SNX24: variants seen among roughly 807,000 people sequenced by gnomAD.
The protein encoded by SNX24 is sorting nexin-24.
SNX24 carries 22 observed loss-of-function variants against 28.7 expected under a neutral mutation model. The ratio of observed to expected loss-of-function variants is 0.77; its 90% CI spans 0.55 to 1.10. The LOEUF is 1.10. Among genes scored for constraint, SNX24 ranks in the 50% least tolerant of loss-of-function variants. The pLI is 0.00. For synonymous variants in SNX24, 69 were observed against 71.5 expected (o/e 0.96, Z 0.18); for missense variants, 221 against 201.1 (o/e 1.10, Z -0.60).
chr5:122,929,693 C>T (rs1379607140), intron 1 of SNX24, among the ~76,000 whole-genome samples: 1 of 151,970 alleles, frequency 6.6e-6, no homozygotes, highest in Non-Finnish European at 1.5e-5. Flanking sequence ...ATCACTAAAA[C>T]CTTATAAATT....
At chr5:122,905,188 A>G (rs1757598359) in intron 1 of SNX24, among the ~76,000 whole-genome samples, 1 of 152,148 alleles carries the variant, frequency 6.6e-6, no homozygotes, top group Admixed American at 6.5e-5. Context: ...GAGGGTAGGT[A>G]AGGATCCTGA....
chr5:123,013,436 G>A (rs1454883333), downstream of SNX24, among the ~76,000 whole-genome samples: 1 of 152,216 alleles, frequency 6.6e-6, no homozygotes, highest in Non-Finnish European at 1.5e-5. Flanking sequence ...GATAATTACA[G>A]ATTTTGAATT....
chr5:122,886,136 A>C (rs1216712126), intron 1 of SNX24, among the ~76,000 whole-genome samples: 1 of 152,308 alleles, frequency 6.6e-6, no homozygotes, highest in East Asian at 1.9e-4. Context: ...GGGGGAGTGC[A>C]AGGAGATGCT....
chr5:122,872,946 A>AT (rs1756049146), intron 1 of SNX24, among the ~76,000 whole-genome samples: 1 of 151,772 alleles, frequency 6.6e-6, no homozygotes, highest in Non-Finnish European at 1.5e-5. Flanking sequence ...AATGAACATC[A>AT]TTTTAACCCA....
intron 5 of SNX24, 128 bp downstream of exon 5, chr5:123,001,565 A>G: frequency 1.4e-6 from 1 of 716,532 alleles, no homozygotes; most frequent in Non-Finnish European, 2.4e-6. Context: ...AAGATTATAA[A>G]TATTTGATAG....
chr5:122,981,664 T>C (rs1041290936), intron 3 of SNX24, among the ~76,000 whole-genome samples: 1 of 142,718 alleles, frequency 7.0e-6, no homozygotes, highest in African/African-American at 2.4e-5. Context: ...CATGTTTTGT[T>C]TTGTTTTTGT....
At chr5:123,020,110 A>G (rs1048459486) in intron 5 of SNX24, among the ~76,000 whole-genome samples, 3 of 152,262 alleles carry the variant, frequency 2.0e-5, no homozygotes, top group East Asian at 1.9e-4. Flanking sequence ...CGTAAAGCGC[A>G]TGTCCTTCTG....
chr5:122,938,072 A>C (rs185009), intron 2 of SNX24, among the ~76,000 whole-genome samples: 2 of 151,836 alleles, frequency 1.3e-5, no homozygotes, highest in African/African-American at 4.8e-5. Context: ...TCCCAAGTCA[A>C]CACCTAGGAC....
chr5:122,894,296 G>A (rs780196401), intron 1 of SNX24, among the ~76,000 whole-genome samples: 1 of 151,872 alleles, frequency 6.6e-6, no homozygotes, highest in Non-Finnish European at 1.5e-5. Flanking sequence ...TTTCTCTTTT[G>A]TGCATGCACA....
At chr5:122,887,628 T>A (rs1218540206) in intron 1 of SNX24, among the ~76,000 whole-genome samples, 2 of 152,228 alleles carry the variant, frequency 1.3e-5, no homozygotes, top group Non-Finnish European at 2.9e-5. Flanking sequence ...ATAAGATTCC[T>A]CTTCCACTTC....
At chr5:122,966,327 G>C (rs1760712676) in intron 3 of SNX24, among the ~76,000 whole-genome samples, 1 of 152,152 alleles carries the variant, frequency 6.6e-6, no homozygotes, top group Non-Finnish European at 1.5e-5. Context: ...GTGTAGGTTT[G>C]ATACATAGGT....
intron 1 of SNX24, among the ~76,000 whole-genome samples, chr5:122,861,229 A>G (rs899493682): frequency 1.3e-5 from 2 of 152,106 alleles, no homozygotes; most frequent in Non-Finnish European, 2.9e-5. Context: ...AATCCCAGCT[A>G]CTTGGGAGGC....
chr5:122,849,602 G>C (rs573357742), intron 1 of SNX24, among the ~76,000 whole-genome samples: 49 of 152,260 alleles, frequency 3.2e-4, no homozygotes, highest in Middle Eastern at 3.4e-3. Context: ...CAAAAAAGGG[G>C]GGGGGAGGGG....
At chr5:122,848,583 C>T (rs1344167414) in intron 1 of SNX24, among the ~76,000 whole-genome samples, 2 of 150,304 alleles carry the variant, frequency 1.3e-5, no homozygotes, top group Admixed American at 6.6e-5. Context: ...GTGGCGGGCG[C>T]GGGTAATCCC....
At position 122,936,596 on chromosome 5, in the gene SNX24, G is replaced by T. The variant is rs1007252070; in HGVS notation, c.61-138G>T. On this transcript the variant is annotated intron_variant, in intron 1 of 6. Transcript: ENST00000261369. ...CATTAATCAGTGCTGTTGGGCCAGGGTGTCCTGAGCCTTCTGGGTTTTGGG... is the reference window on the plus strand; with the variant it reads ...CATTAATCAGTGCTGTTGGGCCAGGTTGTCCTGAGCCTTCTGGGTTTTGGG... The T allele has an allele frequency of 2.3e-5, 11 of 477,784 alleles. No individual in the cohort carries two copies. The Admixed American group carries it at 4.2e-4, about 18-fold the overall frequency. The allele number at this position is 477,784 out of a possible 1,614,324, so 29.6% of individuals were successfully genotyped here. A position where few individuals can be genotyped will look rare whatever the true frequency, so the allele number is the denominator to read the frequency against.
intron 2 of SNX24, 77 bp from the exon 3 acceptor site, chr5:122,945,978 C>A: frequency 2.8e-6 from 2 of 710,412 alleles, no homozygotes; most frequent in Non-Finnish European, 4.5e-6. Context: ...GGCCTTTTTT[C>A]CCCAAATAAT....
At chr5:122,915,004 G>A (rs564937775) in intron 1 of SNX24, among the ~76,000 whole-genome samples, 6 of 152,124 alleles carry the variant, frequency 3.9e-5, no homozygotes, top group Non-Finnish European at 5.9e-5. Context: ...ACAGATGCAC[G>A]TTGAGTGTCC....
intron 1 of SNX24, among the ~76,000 whole-genome samples, chr5:122,902,743 T>C (rs1408171270): frequency 6.6e-6 from 1 of 152,134 alleles, no homozygotes; most frequent in Non-Finnish European, 1.5e-5. Flanking sequence ...GCTTAAGTTA[T>C]TGCTATCAGG....
At chr5:122,959,796 T>G (rs772896767) in intron 3 of SNX24, among the ~76,000 whole-genome samples, 2 of 152,086 alleles carry the variant, frequency 1.3e-5, no homozygotes, top group Non-Finnish European at 2.9e-5. Context: ...CCAGGAAAAT[T>G]TAGTACATGG....
Sources: gnomAD v4.1 joint callset for allele counts (sites outside exome capture counted in the v4.1 genomes callset) on GRCh38, gnomAD v4.1.1 for gene constraint, MANE v1.5 for transcripts, NCBI Gene and HGNC (gene_info 2026-07-23, HGNC 2026-07-21) for gene names.